The following DENND5B variants were observed in gnomAD, a reference collection of about 807,000 sequenced individuals.
DENND5B encodes DENN domain containing 5B, also known as DENN domain-containing protein 5B.
DENND5B carries 34 observed loss-of-function variants against 140.6 expected under a neutral mutation model. That is an observed-to-expected ratio of 0.24 (90% CI 0.18 to 0.32). The LOEUF (loss-of-function observed/expected upper bound fraction) is 0.32. Among genes scored for constraint, DENND5B ranks in the 10% least tolerant of loss-of-function variants. DENND5B has a pLI of 1.00. For synonymous variants in DENND5B, 551 were observed against 562.1 expected (o/e 0.98, Z 0.28); for missense variants, 1,142 against 1,560.2 (o/e 0.73, Z 4.52).
chr12:31,451,608 C>A (rs1182434659), intron 5 of DENND5B: 1 of 265,572 alleles, frequency 3.8e-6, no homozygotes, highest in Non-Finnish European at 7.2e-6. Context: ...CAGGCATGAG[C>A]CACCGTGCCC....
intron 1 of DENND5B, among the ~76,000 whole-genome samples, chr12:31,545,888 T>G (rs1303905222): frequency 7.5e-6 from 1 of 133,432 alleles, no homozygotes; most frequent in Non-Finnish European, 1.5e-5. Flanking sequence ...GAGATAGAGG[T>G]TGCAGTGAGT....
At chr12:31,514,313 ACT>A (rs1947539260) in intron 1 of DENND5B, among the ~76,000 whole-genome samples, 1 of 152,196 alleles carries the variant, frequency 6.6e-6, no homozygotes, top group Non-Finnish European at 1.5e-5. Context: ...ATATAAGCAC[ACT>A]CTATGATGTT....
At chr12:31,412,338 AGTGGTTCCCAACCTTTT>A (rs1289516969) in intron 13 of DENND5B, among the ~76,000 whole-genome samples, 1 of 152,208 alleles carries the variant, frequency 6.6e-6, no homozygotes. Flanking sequence ...GCTCTAAACC[AGTGGTTCCCAACCTTTT>A]TGGCGCCAGG....
chr12:31,579,518 A>G (rs1950138796), intron 1 of DENND5B, among the ~76,000 whole-genome samples: 1 of 152,088 alleles, frequency 6.6e-6, no homozygotes, highest in Non-Finnish European at 1.5e-5. Context: ...AAAATGAGCC[A>G]GGCTTGGTGG....
intron 11 of DENND5B, among the ~76,000 whole-genome samples, chr12:31,421,203 C>G (rs904937480): frequency 1.4e-4 from 22 of 152,038 alleles, no homozygotes; most frequent in African/African-American, 4.6e-4. Context: ...GCCACCCATG[C>G]CTGGCTAATT....
chr12:31,447,873 TTATAAAAC>T (rs2138058881), intron 5 of DENND5B, 104 bp from the exon 6 acceptor site: 1 of 820,618 alleles, frequency 1.2e-6, no homozygotes, highest in Non-Finnish European at 1.9e-6. Context: ...TTTTTAAATC[TTATAAAAC>T]TGACACTTGA....
chr12:31,402,183 C>T (rs1313701296), intron 15 of DENND5B, among the ~76,000 whole-genome samples: 15 of 151,898 alleles, frequency 9.9e-5, no homozygotes, highest in Admixed American at 2.0e-4. Context: ...AGAACCACCG[C>T]GGGGAAAACA....
At chr12:31,458,626 G>A (rs529036059) in intron 4 of DENND5B, among the ~76,000 whole-genome samples, 1 of 152,112 alleles carries the variant, frequency 6.6e-6, no homozygotes, top group Non-Finnish European at 1.5e-5. Context: ...AATTTTTGTG[G>A]GGAAATATTC....
intron 1 of DENND5B, among the ~76,000 whole-genome samples, chr12:31,531,286 G>A (rs888451345): frequency 2.0e-5 from 3 of 151,718 alleles, no homozygotes; most frequent in East Asian, 1.9e-4. Flanking sequence ...TGCAATCTCC[G>A]CCTCCTGGGT....
intron 2 of DENND5B, among the ~76,000 whole-genome samples, chr12:31,489,577 A>C (rs1309110533): frequency 6.6e-6 from 1 of 152,236 alleles, no homozygotes; most frequent in East Asian, 1.9e-4. Context: ...TATTGTAAGC[A>C]AGTATCACTT....
chr12:31,396,003 G>A (rs951736386), intron 17 of DENND5B, among the ~76,000 whole-genome samples: 2 of 148,362 alleles, frequency 1.3e-5, no homozygotes, highest in Non-Finnish European at 3.0e-5. Flanking sequence ...GAAATTCTAG[G>A]GGAAAATCCC....
chr12:31,403,977 T>C (rs902669847), intron 14 of DENND5B, among the ~76,000 whole-genome samples: 1 of 148,384 alleles, frequency 6.7e-6, no homozygotes, highest in Non-Finnish European at 1.5e-5. Context: ...ACCTAGCACC[T>C]TGGAAGGCTG....
intron 9 of DENND5B, 80 bp from the exon 10 acceptor site, chr12:31,424,767 T>C: frequency 6.5e-7 from 1 of 1,537,352 alleles, no homozygotes; most frequent in Non-Finnish European, 8.8e-7. Flanking sequence ...AGTAGGAGAC[T>C]TGGTTTCCCT....
At chr12:31,483,142 T>C (rs1466717544) in intron 2 of DENND5B, among the ~76,000 whole-genome samples, 1 of 152,198 alleles carries the variant, frequency 6.6e-6, no homozygotes, top group African/African-American at 2.4e-5. Flanking sequence ...ATAGCTCCAA[T>C]AATATTTCTA....
At chr12:31,389,988 G>A (rs1941040421) in intron 19 of DENND5B, among the ~76,000 whole-genome samples, 1 of 151,856 alleles carries the variant, frequency 6.6e-6, no homozygotes, top group Non-Finnish European at 1.5e-5. Context: ...TAAGATTCTA[G>A]GCATTCCAGA....
intron 1 of DENND5B, among the ~76,000 whole-genome samples, chr12:31,573,881 G>A (rs917401380): frequency 5.3e-5 from 8 of 152,036 alleles, no homozygotes; most frequent in Non-Finnish European, 7.4e-5. Flanking sequence ...CTTGAGCCCA[G>A]GAGGTTGAGG....
chr12:31,457,866 A>G (rs1392645148), intron 4 of DENND5B, among the ~76,000 whole-genome samples: 4 of 151,908 alleles, frequency 2.6e-5, no homozygotes, highest in Admixed American at 6.6e-5. Flanking sequence ...GGCGCCTGCC[A>G]CCACGCCCGG....
At chr12:31,588,535 A>G (rs938604377) in intron 1 of DENND5B, among the ~76,000 whole-genome samples, 1 of 152,236 alleles carries the variant, frequency 6.6e-6, no homozygotes, top group Non-Finnish European at 1.5e-5. Context: ...ACAATACAGT[A>G]TAACAACTAT....
In DENND5B at chr12:31,392,133, C is replaced by T. The variant is rs562826376; in HGVS notation, c.3466+134G>A. 20 of 873,816 alleles carry T rather than the reference C, an allele frequency of 2.3e-5. No individual in the cohort carries two copies. The Admixed American group carries it at 3.8e-4, about 17-fold the overall frequency. The allele number at this position is 873,816 out of a possible 1,614,324, so 54.1% of individuals were successfully genotyped here. A position where few individuals can be genotyped will look rare whatever the true frequency, so the allele number is the denominator to read the frequency against. ...CAGCTTGGGCAACAGAGTAAGATTC[C>T]GTCTCAAAAAAAAAAAAAGAAAAAA... On this transcript the variant is annotated intron_variant, in intron 19 of 20. Coordinates refer to ENST00000389082, the MANE Select transcript of DENND5B (RefSeq NM_144973.4).
Sources: gnomAD v4.1 joint callset for allele counts (sites outside exome capture counted in the v4.1 genomes callset) on GRCh38, gnomAD v4.1.1 for gene constraint, MANE v1.5 for transcripts, NCBI Gene and HGNC (gene_info 2026-07-23, HGNC 2026-07-21) for gene names.